The following SLX4IP variants were observed in gnomAD, a reference collection of about 807,000 sequenced individuals.
SLX4IP encodes protein SLX4IP.
In SLX4IP, 34 loss-of-function variants were observed where a neutral mutation model predicts 32.9. The ratio of observed to expected loss-of-function variants is 1.03; its 90% CI spans 0.79 to 1.38. The LOEUF (loss-of-function observed/expected upper bound fraction) is 1.38. Ranked by LOEUF, SLX4IP falls within the 40% of genes most tolerant of loss-of-function variation. The pLI is 0.00. For synonymous variants in SLX4IP, 172 were observed against 171.7 expected (o/e 1.00, Z -0.01); for missense variants, 444 against 479.0 (o/e 0.93, Z 0.68).
intron 2 of SLX4IP, among the ~76,000 whole-genome samples, chr20:10,516,172 G>A (rs2065847800): frequency 6.6e-6 from 1 of 152,178 alleles, no homozygotes; most frequent in African/African-American, 2.4e-5. Context: ...ACAGGTGTGA[G>A]CCTCCATGCC....
intron 2 of SLX4IP, among the ~76,000 whole-genome samples, chr20:10,476,572 G>A (rs910744839): frequency 2.0e-5 from 3 of 152,146 alleles, no homozygotes; most frequent in East Asian, 1.9e-4. Flanking sequence ...CCTATGCCGC[G>A]TGTGTCTGTT....
intron 1 of SLX4IP, among the ~76,000 whole-genome samples, chr20:10,442,475 A>G (rs1292543065): frequency 6.6e-6 from 1 of 152,220 alleles, no homozygotes; most frequent in Non-Finnish European, 1.5e-5. Context: ...CAGGCCTGAG[A>G]GAGTGGACTC....
chr20:10,572,671 A>G (rs1028905729), intron 4 of SLX4IP, among the ~76,000 whole-genome samples: 2 of 152,176 alleles, frequency 1.3e-5, no homozygotes, highest in Non-Finnish European at 2.9e-5. Flanking sequence ...ATGCCATAAA[A>G]TAAATTAAAT....
At chr20:10,514,446 C>T (rs1422846096) in intron 2 of SLX4IP, among the ~76,000 whole-genome samples, 1 of 152,132 alleles carries the variant, frequency 6.6e-6, no homozygotes, top group Admixed American at 6.5e-5. Context: ...GACATTAGGG[C>T]ACCAAGTGCA....
At chr20:10,450,844 C>T (rs1226078737) in intron 1 of SLX4IP, among the ~76,000 whole-genome samples, 2 of 152,208 alleles carry the variant, frequency 1.3e-5, no homozygotes, top group Non-Finnish European at 2.9e-5. Context: ...CTCCGCCTCC[C>T]GGGTTCACGC....
intron 2 of SLX4IP, among the ~76,000 whole-genome samples, chr20:10,537,417 A>G (rs1400078225): frequency 6.6e-6 from 1 of 152,226 alleles, no homozygotes; most frequent in East Asian, 1.9e-4. Flanking sequence ...CCCGTAATGA[A>G]TACTTACAAA....
At position 10,622,849 on chromosome 20, in the gene SLX4IP, TG is replaced by T. The variant is rs1568779914; in HGVS notation, c.702del (p.Leu235PhefsTer29). The T allele has an allele frequency of 6.2e-7, 1 of 1,614,074 alleles. No homozygotes were observed. Among genetic ancestry groups the T allele is most frequent in the Non-Finnish European group, 8.5e-7 (1 of 1,180,020 alleles). ...TTCCATAAAGGCAGCTGAGAGCCAC[TG>T]GGGGCTTCCTGTTCAAAAGCTGGAA... ...KDSIKAAESH[W>X]GLPVQKLEKV... On this transcript the variant is annotated frameshift_variant, in exon 8 of 8. Coordinates refer to ENST00000334534, the MANE Select transcript of SLX4IP (RefSeq NM_001009608.3). LOFTEE classifies it high-confidence loss of function.
chr20:10,464,352 ATG>A (rs1278757730), intron 2 of SLX4IP, among the ~76,000 whole-genome samples: 1 of 152,006 alleles, frequency 6.6e-6, no homozygotes, highest in Non-Finnish European at 1.5e-5. Flanking sequence ...TCGTTTTAAT[ATG>A]TGTCTATGCA....
At chr20:10,590,444 T>C (rs2066695481) in intron 4 of SLX4IP, among the ~76,000 whole-genome samples, 1 of 152,104 alleles carries the variant, frequency 6.6e-6, no homozygotes. Context: ...CACTGCAACC[T>C]CTGCCTCCCG....
At chr20:10,529,048 T>G (rs901905299) in intron 2 of SLX4IP, among the ~76,000 whole-genome samples, 2 of 152,246 alleles carry the variant, frequency 1.3e-5, no homozygotes, top group Non-Finnish European at 2.9e-5. Context: ...GATGGGTTTC[T>G]GTTTCTGTTT....
chr20:10,602,283 TCC>T (rs982089229), intron 6 of SLX4IP, among the ~76,000 whole-genome samples: 10 of 150,478 alleles, frequency 6.6e-5, no homozygotes, highest in African/African-American at 2.0e-4. Flanking sequence ...GTTCATTTTC[TCC>T]CTCTCTCTCT....
intron 6 of SLX4IP, among the ~76,000 whole-genome samples, chr20:10,618,573 A>G (rs572420460): frequency 1.9e-3 from 293 of 152,268 alleles, no homozygotes; most frequent in Non-Finnish European, 3.3e-3. Context: ...TGGTTAATCT[A>G]ATTTTTTAAT....
intron 4 of SLX4IP, among the ~76,000 whole-genome samples, chr20:10,576,681 C>T (rs1287922268): frequency 6.6e-6 from 1 of 152,032 alleles, no homozygotes; most frequent in African/African-American, 2.4e-5. Context: ...AATTCTGGGT[C>T]ATAGATTAAT....
chr20:10,594,936 ACAACTTAGGT>A (rs1325132032), intron 4 of SLX4IP, among the ~76,000 whole-genome samples: 1 of 152,140 alleles, frequency 6.6e-6, no homozygotes, highest in African/African-American at 2.4e-5. Context: ...TTTTTGATGA[ACAACTTAGGT>A]AAGCCAGAAG....
At chr20:10,596,233 GT>G (rs906454409) in intron 4 of SLX4IP, among the ~76,000 whole-genome samples, 2 of 150,800 alleles carry the variant, frequency 1.3e-5, no homozygotes, top group Non-Finnish European at 3.0e-5. Flanking sequence ...TGATAATAAC[GT>G]TTTTTTTTAA....
rs528558135 is a variant in SLX4IP, at chr20:10,619,367, C to T, written c.406-1947C>T. Among the ~76,000 whole-genome samples the T allele has an allele frequency of 2.2e-4, 33 of 152,012 alleles. No homozygotes were observed. The South Asian group carries it at 6.2e-3, about 29-fold the overall frequency. ...TGTCAGAGGAATTTGGGATGAGAGC[C>T]GACTGCTCTGCTTCTTAAAGGAGTT... On this transcript the variant is annotated intron_variant, in intron 6 of 7. Coordinates refer to ENST00000334534, the MANE Select transcript of SLX4IP (RefSeq NM_001009608.3).
At chr20:10,505,819 T>C (rs77144207) in intron 2 of SLX4IP, among the ~76,000 whole-genome samples, 4 of 152,212 alleles carry the variant, frequency 2.6e-5, no homozygotes, top group Non-Finnish European at 5.9e-5. Flanking sequence ...CTTTTTTTTT[T>C]CAAAAATATA....
chr20:10,579,096 T>A (rs2066554627), intron 4 of SLX4IP, among the ~76,000 whole-genome samples: 1 of 152,148 alleles, frequency 6.6e-6, no homozygotes, highest in Admixed American at 6.5e-5. Flanking sequence ...TCATCTATGT[T>A]GTTGTTGTTG....
chr20:10,613,695 T>C (rs2066993946), intron 6 of SLX4IP: 4 of 1,613,506 alleles, frequency 2.5e-6, no homozygotes, highest in Admixed American at 1.7e-5. Flanking sequence ...AAAGGCGTTA[T>C]AGGATGGGAC....
Sources: gnomAD v4.1 joint callset for allele counts (sites outside exome capture counted in the v4.1 genomes callset) on GRCh38, gnomAD v4.1.1 for gene constraint, MANE v1.5 for transcripts, NCBI Gene and HGNC (gene_info 2026-07-23, HGNC 2026-07-21) for gene names.